ESR1: variants seen among roughly 807,000 people sequenced by gnomAD.
ESR1 encodes the protein estrogen receptor 1.
A neutral mutation model predicts 52.7 loss-of-function variants in ESR1; 12 were observed. That is an observed-to-expected ratio of 0.23 (90% CI 0.15 to 0.37). The LOEUF is 0.37. Among genes scored for constraint, ESR1 ranks in the 10% least tolerant of loss-of-function variants. ESR1 has a pLI of 1.00. For synonymous variants in ESR1, 305 were observed against 316.8 expected (o/e 0.96, Z 0.39); for missense variants, 584 against 779.7 (o/e 0.75, Z 2.99).
intron 2 of ESR1, among the ~76,000 whole-genome samples, chr6:151,703,588 G>A (rs1001107321): frequency 2.0e-5 from 3 of 152,172 alleles, no homozygotes; most frequent in African/African-American, 7.2e-5. Context: ...CTCTTTGCCA[G>A]CTTGATGCAG....
intron 1 of ESR1, among the ~76,000 whole-genome samples, chr6:151,663,854 TA>T (rs1440863513): frequency 1.3e-5 from 2 of 152,162 alleles, no homozygotes. Context: ...AGACAATAAC[TA>T]CAAAAAGGTG....
At chr6:152,128,839 A>C (rs35878677) in exon 7 of ESR1, 15,477 of 152,312 alleles carry the variant, frequency 0.1, 1,016 homozygotes, top group Non-Finnish European at 0.14. Context: ...CTTCCCCAGC[A>C]GACTCTGCCT....
chr6:151,857,554 A>T (rs1460218854), intron 2 of ESR1, among the ~76,000 whole-genome samples: 1 of 151,840 alleles, frequency 6.6e-6, no homozygotes, highest in Admixed American at 6.6e-5. Flanking sequence ...TTCGAGACCA[A>T]GTCTCGCTCT....
intron 6 of ESR1, among the ~76,000 whole-genome samples, chr6:152,079,721 C>G (rs565949096): frequency 4.6e-5 from 7 of 152,064 alleles, no homozygotes; most frequent in Non-Finnish European, 7.4e-5. Context: ...TCTAACCCAT[C>G]GCAAGGAGGC....
intron 2 of ESR1, among the ~76,000 whole-genome samples, chr6:151,759,040 G>A (rs748723574): frequency 6.6e-6 from 1 of 151,984 alleles, no homozygotes; most frequent in Non-Finnish European, 1.5e-5. Flanking sequence ...ACTTTGGGAG[G>A]CCAAGGCAGG....
intron 3 of ESR1, among the ~76,000 whole-genome samples, chr6:151,896,091 G>A (rs187173785): frequency 2.6e-5 from 4 of 152,154 alleles, no homozygotes; most frequent in East Asian, 3.8e-4. Context: ...GAGCCACAGC[G>A]CCCGGCCAGA....
At chr6:151,966,815 G>A (rs1436803764) in intron 4 of ESR1, among the ~76,000 whole-genome samples, 4 of 152,152 alleles carry the variant, frequency 2.6e-5, no homozygotes, top group East Asian at 1.9e-4. Context: ...TGCAGGGCAC[G>A]ATGGGCGAAC....
intron 1 of ESR1, among the ~76,000 whole-genome samples, chr6:151,824,549 T>G (rs1409402182): frequency 6.6e-6 from 1 of 152,226 alleles, no homozygotes; most frequent in Non-Finnish European, 1.5e-5. Flanking sequence ...TCCTTGCCCA[T>G]ACCTATGTCC....
At chr6:151,799,437 A>G (rs1476235365), upstream of ESR1, among the ~76,000 whole-genome samples, 4 of 152,212 alleles carry the variant, frequency 2.6e-5, no homozygotes, top group Non-Finnish European at 5.9e-5. Flanking sequence ...CAGTTATTAT[A>G]GTTACTTCTT....
chr6:151,907,633 C>G (rs1256923358), intron 3 of ESR1, among the ~76,000 whole-genome samples: 1 of 152,040 alleles, frequency 6.6e-6, no homozygotes, highest in Non-Finnish European at 1.5e-5. Flanking sequence ...CATGGACATA[C>G]TATAATTTAT....
At chr6:151,761,525 C>T (rs745937420) in intron 2 of ESR1, among the ~76,000 whole-genome samples, 1 of 152,184 alleles carries the variant, frequency 6.6e-6, no homozygotes, top group Non-Finnish European at 1.5e-5. Flanking sequence ...TTCTACTCCT[C>T]AGCCCTGTGA....
At chr6:151,920,172 G>C (rs1276936552) in intron 3 of ESR1, among the ~76,000 whole-genome samples, 1 of 152,072 alleles carries the variant, frequency 6.6e-6, no homozygotes, top group East Asian at 1.9e-4. Flanking sequence ...CAAACTCTAA[G>C]GTAGGATGAT....
chr6:151,808,420 G>GAGGA, intron 1 of ESR1, 56 bp downstream of exon 1: 1 of 768,630 alleles, frequency 1.3e-6, no homozygotes, highest in Admixed American at 3.2e-5. Flanking sequence ...AGGAGGGAGG[G>GAGGA]AGGGAGGGAG....
At chr6:151,816,570 C>T (rs150356658) in intron 1 of ESR1, among the ~76,000 whole-genome samples, 43 of 152,250 alleles carry the variant, frequency 2.8e-4, no homozygotes, top group Middle Eastern at 6.8e-3. Context: ...GAATTCTCTA[C>T]GGGTCTGGAA....
intron 5 of ESR1, among the ~76,000 whole-genome samples, chr6:152,059,693 A>G (rs2047397873): frequency 6.6e-6 from 1 of 152,214 alleles, no homozygotes; most frequent in South Asian, 2.1e-4. Flanking sequence ...AAGCCCTTTT[A>G]TCTAGCAATT....
intron 5 of ESR1, among the ~76,000 whole-genome samples, chr6:152,049,454 C>T (rs1383146958): frequency 1.3e-5 from 2 of 152,184 alleles, no homozygotes; most frequent in Non-Finnish European, 2.9e-5. Context: ...TTAAGAAAGA[C>T]AATTGGACAT....
rs143253269 is a variant in ESR1, at chr6:151,868,269, A to G, written c.644-12386A>G. ...CAGCCTCCCAAGTAGCTGGGACTAC[A>G]GGCGTACACCACCATGCCCGGCTAA... On this transcript the variant is annotated intron_variant, in intron 2 of 7. Transcript: ENST00000206249. Among the ~76,000 whole-genome samples the G allele has an allele frequency of 8.5e-3, 1,291 of 152,250 alleles. 26 individuals are homozygous for G. Among genetic ancestry groups the G allele is most frequent in the African/African-American group, 0.03 (1,244 of 41,546 alleles).
intron 2 of ESR1, among the ~76,000 whole-genome samples, chr6:151,728,757 G>T (rs1299627261): frequency 6.6e-6 from 1 of 152,112 alleles, no homozygotes; most frequent in Non-Finnish European, 1.5e-5. Context: ...GTCTGATGGT[G>T]CCCTGGGCAG....
chr6:151,807,820 C>A lies in ESR1; in HGVS notation c.-93C>A. The A allele has an allele frequency of 8.6e-7, 1 of 1,167,970 alleles. No homozygotes were observed. The highest frequency in any genetic ancestry group is 1.2e-6 in the Non-Finnish European group (1 of 802,008). The allele number at this position is 1,167,970 out of a possible 1,614,324, so 72.4% of individuals were successfully genotyped here. A position where few individuals can be genotyped will look rare whatever the true frequency, so the allele number is the denominator to read the frequency against. On this transcript the variant is annotated 5_prime_UTR_variant, in exon 1 of 8. Transcript: ENST00000206249. ...GGACATGCGCTGCGTCGCCTCTAACCTCGGGCTGTGCTCTTTTTCCAGGTG... is the reference window on the plus strand; with the variant it reads ...GGACATGCGCTGCGTCGCCTCTAACATCGGGCTGTGCTCTTTTTCCAGGTG...
Sources: gnomAD v4.1 joint callset for allele counts (sites outside exome capture counted in the v4.1 genomes callset) on GRCh38, gnomAD v4.1.1 for gene constraint, MANE v1.5 for transcripts, NCBI Gene and HGNC (gene_info 2026-07-23, HGNC 2026-07-21) for gene names.